The following MRE11 variants were observed in gnomAD, a reference collection of about 807,000 sequenced individuals.
MRE11 encodes the protein MRE11 double strand break repair nuclease.
In MRE11, 62 loss-of-function variants were observed where a neutral mutation model predicts 91.7. The observed-to-expected ratio is 0.68, with a 90% CI of 0.55 to 0.84. The LOEUF is 0.84. MRE11 is among the 40% of genes least tolerant of loss of function. The pLI is 0.00. For synonymous variants in MRE11, 273 were observed against 271.4 expected (o/e 1.01, Z -0.06); for missense variants, 796 against 852.9 (o/e 0.93, Z 0.83).
At chr11:94,443,088 T>C (rs1042160958) in intron 16 of MRE11, among the ~76,000 whole-genome samples, 6 of 152,258 alleles carry the variant, frequency 3.9e-5, no homozygotes, top group African/African-American at 1.2e-4. Flanking sequence ...TTTTGTATCT[T>C]TTCTTCAATG....
At chr11:94,435,745 T>C in intron 18 of MRE11, 87 bp downstream of exon 18, 1 of 1,126,430 alleles carries the variant, frequency 8.9e-7, no homozygotes, top group Non-Finnish European at 1.3e-6. Flanking sequence ...TAAACTTACA[T>C]GGCATAGAAA....
At chr11:94,446,476 G>C (rs1226535667) in intron 15 of MRE11, among the ~76,000 whole-genome samples, 1 of 152,110 alleles carries the variant, frequency 6.6e-6, no homozygotes, top group African/African-American at 2.4e-5. Flanking sequence ...TAAGAATAGT[G>C]AAAATAATCA....
chr11:94,444,966 TA>T (rs1013801055), intron 16 of MRE11, among the ~76,000 whole-genome samples: 1 of 152,210 alleles, frequency 6.6e-6, no homozygotes, highest in African/African-American at 2.4e-5. Flanking sequence ...ATACTTTTTG[TA>T]AATATGACTA....
chr11:94,463,012 C>T (rs1286993048), intron 11 of MRE11, among the ~76,000 whole-genome samples: 1 of 152,094 alleles, frequency 6.6e-6, no homozygotes, highest in South Asian at 2.1e-4. Flanking sequence ...AATGGGAGAA[C>T]ATTTTTGCAA....
In MRE11 at chr11:94,416,160, T is replaced by C. The variant is rs1398920697; in HGVS notation, c.*3965A>G. The C allele has an allele frequency of 6.6e-6, 1 of 152,220 alleles. No homozygotes were observed. Among genetic ancestry groups the C allele is most frequent in the Non-Finnish European group, 1.5e-5 (1 of 68,048 alleles). The allele number at this position is 152,220 out of a possible 1,614,324, so 9.4% of individuals were successfully genotyped here. On this transcript the variant is annotated 3_prime_UTR_variant, in exon 20 of 20. Transcript: ENST00000323929. The stretch of plus-strand genomic sequence containing the variant: ...TCTTGGTAGTCTTGCCAACAGTAAT[T>C]GGAGAAACGTGTTCCTAATTGTCGG...
At chr11:94,471,242 T>G (rs1223520019) in intron 8 of MRE11, among the ~76,000 whole-genome samples, 1 of 152,092 alleles carries the variant, frequency 6.6e-6, no homozygotes, top group East Asian at 1.9e-4. Context: ...TTCAATTAAA[T>G]GGTTTTAGGA....
the MRE11 span, among the ~76,000 whole-genome samples, chr11:94,503,918 A>G: frequency 6.6e-6 from 1 of 152,106 alleles, no homozygotes; most frequent in Admixed American, 6.5e-5. Flanking sequence ...TCCATAGAAC[A>G]GAACAGAGTC....
chr11:94,419,465 G>GGAGAGAGAGA lies in MRE11; in HGVS notation c.*650_*659dup, dbSNP rs201800515. ...GAAGAGTGGGGAACGGGGGGGAGAG[G>GGAGAGAGAGA]GAGAGAGAGAGAGAGAGAGAGAGAG... On this transcript the variant is annotated 3_prime_UTR_variant, in exon 20 of 20. Coordinates refer to ENST00000323929, the MANE Select transcript of MRE11 (RefSeq NM_005591.4). 1,091 of 216,282 alleles carry GGAGAGAGAGA rather than the reference G, an allele frequency of 5.0e-3. 5 individuals are homozygous for GGAGAGAGAGA. The highest frequency in any genetic ancestry group is 9.7e-3 in the Middle Eastern group (7 of 718). The allele number at this position is 216,282 out of a possible 1,614,324, so 13.4% of individuals were successfully genotyped here. A position where few individuals can be genotyped will look rare whatever the true frequency, so the allele number is the denominator to read the frequency against.
intron 19 of MRE11, among the ~76,000 whole-genome samples, chr11:94,425,116 C>A (rs905689442): frequency 6.6e-6 from 1 of 152,098 alleles, no homozygotes; most frequent in Non-Finnish European, 1.5e-5. Context: ...AGGTCACTTA[C>A]AAAGGGAACC....
upstream of MRE11, chr11:94,497,355 T>C (rs1039939051): frequency 9.9e-6 from 3 of 302,950 alleles, no homozygotes; most frequent in Non-Finnish European, 1.8e-5. Context: ...TCAGGAATAT[T>C]AATTTGCCCA....
chr11:94,446,652 T>A (rs1392688164), intron 15 of MRE11, among the ~76,000 whole-genome samples: 1 of 152,198 alleles, frequency 6.6e-6, no homozygotes, highest in East Asian at 1.9e-4. Flanking sequence ...GACCAATTTC[T>A]ATTGGCGTGA....
chr11:94,444,340 T>C (rs1591651066), intron 16 of MRE11, among the ~76,000 whole-genome samples: 1 of 152,230 alleles, frequency 6.6e-6, no homozygotes, highest in African/African-American at 2.4e-5. Flanking sequence ...CAGAGAGAAC[T>C]TCCTTGCTGT....
chr11:94,457,616 T>C (rs1453178784), intron 13 of MRE11, among the ~76,000 whole-genome samples: 3 of 151,944 alleles, frequency 2.0e-5, no homozygotes, highest in Non-Finnish European at 4.4e-5. Context: ...AGAGTCAGAG[T>C]GGGAACACTG....
intron 11 of MRE11, among the ~76,000 whole-genome samples, chr11:94,461,868 G>C (rs539587739): frequency 1.3e-5 from 2 of 152,136 alleles, no homozygotes; most frequent in Non-Finnish European, 2.9e-5. Context: ...AAGGTCAGGA[G>C]ATCGAGACCA....
At chr11:94,452,839 T>A (rs971286482) in intron 14 of MRE11, among the ~76,000 whole-genome samples, 1 of 152,166 alleles carries the variant, frequency 6.6e-6, no homozygotes, top group African/African-American at 2.4e-5. Context: ...GAAATATACA[T>A]AACATAAACT....
At chr11:94,496,839 C>T (rs1355549486), upstream of MRE11, 1 of 1,613,592 alleles carries the variant, frequency 6.2e-7, no homozygotes, top group South Asian at 1.1e-5. Context: ...GTAGGCAATT[C>T]TGATGAAGAT....
At chr11:94,499,258 C>A in the MRE11 span, 1 of 152,772 alleles carries the variant, frequency 6.5e-6, no homozygotes, top group Admixed American at 6.5e-5. Context: ...TAGACATGCA[C>A]ACAACTATAC....
Position 94,419,459 on chromosome 11 carries a change from G to GGAGAGGGGGA in MRE11, c.*665_*666insTCCCCCTCTC, listed in dbSNP as rs1945109427. 2 of 183,510 alleles carry GGAGAGGGGGA rather than the reference G, an allele frequency of 1.1e-5. No homozygotes were observed. Among genetic ancestry groups the GGAGAGGGGGA allele is most frequent in the Admixed American group, 1.5e-4 (2 of 13,336 alleles). The allele number at this position is 183,510 out of a possible 1,614,324, so 11.4% of individuals were successfully genotyped here. A position where few individuals can be genotyped will look rare whatever the true frequency, so the allele number is the denominator to read the frequency against. On this transcript the variant is annotated 3_prime_UTR_variant, in exon 20 of 20. Transcript: ENST00000323929. ...AGAAAGGAAGAGTGGGGAACGGGGG[G>GGAGAGGGGGA]GAGAGGGAGAGAGAGAGAGAGAGAG... is the stretch of plus-strand genomic sequence containing the variant.
intron 2 of MRE11, 165 bp downstream of exon 2, chr11:94,492,613 CAGAT>C: frequency 1.6e-6 from 2 of 1,214,470 alleles, no homozygotes; most frequent in Non-Finnish European, 2.3e-6. Flanking sequence ...AGTTAACAAA[CAGAT>C]AAATATTTAA....
Sources: allele counts gnomAD v4.1 joint callset (sites outside exome capture counted in the v4.1 genomes callset), GRCh38; gene constraint gnomAD v4.1.1; transcripts MANE v1.5; gene names NCBI Gene and HGNC (gene_info 2026-07-23, HGNC 2026-07-21).